CD226: variants seen among roughly 807,000 people sequenced by gnomAD.
CD226 encodes the protein CD226 molecule, also known as CD226 antigen.
In CD226, 24 loss-of-function variants were observed where a neutral mutation model predicts 34.9. The observed-to-expected ratio is 0.69, with a 90% CI of 0.50 to 0.97. The LOEUF (loss-of-function observed/expected upper bound fraction) is 0.97, where lower values mean the gene tolerates loss of function less well. Ranked by LOEUF, CD226 falls within the 50% of genes least tolerant of loss-of-function variation. The probability of loss-of-function intolerance (pLI) is 0.00; values close to 1 mark genes in which losing one functional copy is unlikely to be tolerated. For missense variants in CD226, 397 were observed against 412.7 expected (o/e 0.96, Z 0.33); for synonymous variants, 148 against 147.4 (o/e 1.00, Z -0.03).
intron 2 of CD226, among the ~76,000 whole-genome samples, chr18:69,910,961 T>C (rs17062733): frequency 0.042 from 6,463 of 152,186 alleles, 486 homozygotes; most frequent in African/African-American, 0.15. Context: ...CACAAGACGC[T>C]GGGACTACAC....
At chr18:69,948,126 AAG>A (rs1242691823), upstream of CD226, among the ~76,000 whole-genome samples, 9 of 152,232 alleles carry the variant, frequency 5.9e-5, no homozygotes, top group Non-Finnish European at 1.2e-4. Context: ...GTAAGTCACA[AAG>A]AGAGTACAGA....
intron 2 of CD226, among the ~76,000 whole-genome samples, chr18:69,904,576 A>G (rs1426318480): frequency 6.6e-6 from 1 of 152,184 alleles, no homozygotes; most frequent in Non-Finnish European, 1.5e-5. Flanking sequence ...CAATCTCTCC[A>G]CCATGGTACA....
chr18:69,913,812 C>T (rs2055354728), intron 2 of CD226, among the ~76,000 whole-genome samples: 1 of 152,150 alleles, frequency 6.6e-6, no homozygotes, highest in African/African-American at 2.4e-5. Context: ...AGCAAGGGAC[C>T]AGCCCTCTGA....
rs546431320 is a variant in CD226, at chr18:69,877,667, T to C, written c.728-4421A>G. On this transcript the variant is annotated intron_variant, in intron 3 of 5. Transcript: ENST00000582621. The stretch of plus-strand genomic sequence containing the variant: ...GAGAGAACTTCTGTTTCCTGAGGCC[T>C]GAAGTGCCCCAACATTATAACAAGG... Among the ~76,000 whole-genome samples, 3 of 152,256 alleles carry C rather than the reference T, an allele frequency of 2.0e-5. No homozygotes were observed. In the East Asian group the frequency reaches 5.8e-4, roughly 29 times the overall value.
intron 2 of CD226, among the ~76,000 whole-genome samples, chr18:69,914,872 A>C (rs1260099097): frequency 1.3e-5 from 2 of 152,170 alleles, no homozygotes; most frequent in Non-Finnish European, 2.9e-5. Flanking sequence ...CATCCAAAAA[A>C]ATATTTTTTT....
At chr18:69,909,803 C>T (rs562471488) in intron 2 of CD226, among the ~76,000 whole-genome samples, 116 of 152,268 alleles carry the variant, frequency 7.6e-4, no homozygotes, top group Middle Eastern at 3.4e-3. Flanking sequence ...ATTAATCCTA[C>T]GCAACAATAA....
chr18:69,957,029 G>A (rs1006110959), upstream of CD226: 3 of 152,152 alleles, frequency 2.0e-5, no homozygotes, highest in African/African-American at 4.8e-5. Context: ...TTCATGAAGC[G>A]GGGTTTTTTG....
At chr18:69,873,742 A>G (rs1286712787) in intron 3 of CD226, among the ~76,000 whole-genome samples, 2 of 152,112 alleles carry the variant, frequency 1.3e-5, no homozygotes, top group African/African-American at 4.8e-5. Context: ...GTGGTGGTGC[A>G]TGCCTATAAT....
chr18:69,857,807 GTAA>G lies in CD226; in HGVS notation c.*6504_*6506del, dbSNP rs1982654652. On this transcript the variant is annotated 3_prime_UTR_variant, in exon 6 of 6. Coordinates refer to ENST00000582621, the MANE Select transcript of CD226 (RefSeq NM_001303618.2). Reference sequence around the variant, plus strand: ...AGAAGATTGGCTCTGCTTTCTTCCTGTAATAATATTGGTTTCTATAGGTCAAAT... The same window carrying G: ...AGAAGATTGGCTCTGCTTTCTTCCTGTAATATTGGTTTCTATAGGTCAAAT... The G allele has an allele frequency of 6.6e-6, 1 of 152,130 alleles. No individual in the cohort carries two copies. The highest frequency in any genetic ancestry group is 6.5e-5 in the Admixed American group (1 of 15,276). 9.4% of individuals were successfully genotyped at this position (152,130 alleles called of 1,614,324 possible).
intron 2 of CD226, among the ~76,000 whole-genome samples, chr18:69,931,965 T>C (rs1334925561): frequency 4.6e-5 from 7 of 152,166 alleles, no homozygotes; most frequent in Non-Finnish European, 1.0e-4. Flanking sequence ...GCAGGGTTGA[T>C]TCCTTTTGAG....
At chr18:69,952,016 A>T (rs1484044406), upstream of CD226, among the ~76,000 whole-genome samples, 1 of 152,206 alleles carries the variant, frequency 6.6e-6, no homozygotes, top group African/African-American at 2.4e-5. Flanking sequence ...CAAGATATGG[A>T]ATCAACCTAA....
chr18:69,954,289 C>T (rs1461936335), intron 1 of CD226, among the ~76,000 whole-genome samples: 2 of 152,158 alleles, frequency 1.3e-5, no homozygotes, highest in African/African-American at 4.8e-5. Flanking sequence ...CACTCTGTCA[C>T]AACTTTGTGA....
At chr18:69,911,158 G>A (rs2055319504) in intron 2 of CD226, among the ~76,000 whole-genome samples, 1 of 152,210 alleles carries the variant, frequency 6.6e-6, no homozygotes, top group African/African-American at 2.4e-5. Flanking sequence ...CCTTGAGATA[G>A]GTCCATGTTG....
At chr18:69,900,756 A>ATT (rs1555680748) in intron 2 of CD226, among the ~76,000 whole-genome samples, 1 of 150,692 alleles carries the variant, frequency 6.6e-6, no homozygotes, top group African/African-American at 2.5e-5. Context: ...AAAAAAAAAA[A>ATT]TTTCTAATAA....
upstream of CD226, among the ~76,000 whole-genome samples, chr18:69,957,814 C>T (rs532474827): frequency 1.3e-5 from 2 of 152,328 alleles, no homozygotes; most frequent in South Asian, 2.1e-4. Flanking sequence ...TTCTCAAACA[C>T]CTGCCTGACT....
Position 69,946,932 on chromosome 18 carries a change from T to C in CD226, c.184A>G (p.Ile62Val). 6.2e-7 allele frequency: 1 copy of C among 1,614,150 alleles called. No individual in the cohort carries two copies. Among genetic ancestry groups the C allele is most frequent in the Non-Finnish European group, 8.5e-7 (1 of 1,180,012 alleles). Residue 62 changes from isoleucine (I) to valine (V), a missense_variant, in exon 2 of 6, where the codon ATT (isoleucine) becomes GTT (valine). Coordinates refer to ENST00000582621, the MANE Select transcript of CD226 (RefSeq NM_001303618.2). Reference sequence around the variant, plus strand: ...ACCATGCCATGAGTAGGGCTGAAAATGGCTATGGAATCCTGCTGGGTCCCG... The same window carrying C: ...ACCATGCCATGAGTAGGGCTGAAAACGGCTATGGAATCCTGCTGGGTCCCG... ...KIGTQQDSIA[I>V]FSPTHGMVIR...
intron 5 of CD226, among the ~76,000 whole-genome samples, chr18:69,864,903 G>T (rs1341543145): frequency 2.0e-5 from 3 of 152,120 alleles, no homozygotes; most frequent in Non-Finnish European, 4.4e-5. Flanking sequence ...CAGAAAATAT[G>T]CAGGTGTGAA....
At chr18:69,930,863 T>C (rs1037549605) in intron 2 of CD226, among the ~76,000 whole-genome samples, 2 of 152,202 alleles carry the variant, frequency 1.3e-5, no homozygotes, top group African/African-American at 4.8e-5. Context: ...CAAAGGTCCC[T>C]TCATGTTAGA....
intron 3 of CD226, among the ~76,000 whole-genome samples, chr18:69,875,367 A>G (rs553756298): frequency 6.6e-6 from 1 of 152,252 alleles, no homozygotes; most frequent in Non-Finnish European, 1.5e-5. Context: ...CGAACTCCTG[A>G]CCTCAGGTGA....
Sources: gnomAD v4.1 joint callset for allele counts (sites outside exome capture counted in the v4.1 genomes callset) on GRCh38, gnomAD v4.1.1 for gene constraint, MANE v1.5 for transcripts, NCBI Gene and HGNC (gene_info 2026-07-23, HGNC 2026-07-21) for gene names.